EPS15L1: variants seen among roughly 807,000 people sequenced by gnomAD.
EPS15L1 encodes epidermal growth factor receptor substrate 15-like 1.
In EPS15L1, 43 loss-of-function variants were observed where a neutral mutation model predicts 117.1. The observed-to-expected ratio is 0.37, with a 90% confidence interval of 0.29 to 0.47. The LOEUF is 0.47. Ranked by LOEUF, EPS15L1 falls within the 20% of genes least tolerant of loss-of-function variation. The pLI is 0.99. For synonymous variants in EPS15L1, 459 were observed against 470.5 expected (o/e 0.98, Z 0.32); for missense variants, 981 against 1,164.0 (o/e 0.84, Z 2.29).
chr19:16,469,575 C>T (rs999276569), intron 1 of EPS15L1, among the ~76,000 whole-genome samples: 2 of 151,978 alleles, frequency 1.3e-5, no homozygotes, highest in Admixed American at 6.6e-5. Flanking sequence ...TTCGAATTTA[C>T]GTTGATATTC....
At chr19:16,412,647 A>T (rs187817209) in intron 13 of EPS15L1, 19 of 132,166 alleles carry the variant, frequency 1.4e-4, no homozygotes, top group South Asian at 1.1e-3. Flanking sequence ...ATATATATAT[A>T]TTTTTAAAAA....
intron 19 of EPS15L1, among the ~76,000 whole-genome samples, chr19:16,390,635 G>A (rs1201688409): frequency 6.6e-6 from 1 of 152,076 alleles, no homozygotes; most frequent in Non-Finnish European, 1.5e-5. Flanking sequence ...AAAACATACA[G>A]AATATGTTCT....
chr19:16,385,523 G>A (rs2092411358), intron 20 of EPS15L1, among the ~76,000 whole-genome samples: 1 of 152,178 alleles, frequency 6.6e-6, no homozygotes, highest in Non-Finnish European at 1.5e-5. Context: ...AGGAGGCGAG[G>A]AGCAACTCCA....
At chr19:16,394,051 G>T in intron 17 of EPS15L1, 50 bp from the exon 18 acceptor site, 2 of 1,573,934 alleles carry the variant, frequency 1.3e-6, no homozygotes, top group Non-Finnish European at 1.7e-6. Flanking sequence ...CACAGGATGC[G>T]GGCCGGGCCC....
At chr19:16,397,335 C>A (rs2092550722) in intron 16 of EPS15L1, among the ~76,000 whole-genome samples, 1 of 152,184 alleles carries the variant, frequency 6.6e-6, no homozygotes, top group Non-Finnish European at 1.5e-5. Context: ...AGTAATCCAC[C>A]CCCCTCGGCC....
chr19:16,428,598 G>A (rs2092900720), intron 8 of EPS15L1, 104 bp downstream of exon 8: 1 of 729,254 alleles, frequency 1.4e-6, no homozygotes, highest in Non-Finnish European at 2.2e-6. Context: ...GAAAAGAAAA[G>A]AAAAAAGAAA....
intron 18 of EPS15L1, 26 bp downstream of exon 18, chr19:16,393,925 C>T: frequency 6.2e-7 from 1 of 1,612,364 alleles, no homozygotes; most frequent in Non-Finnish European, 8.5e-7. Flanking sequence ...AGTCTAAAGA[C>T]CGGTCCGGGA....
intron 7 of EPS15L1, among the ~76,000 whole-genome samples, chr19:16,434,109 C>A (rs1207839651): frequency 6.6e-6 from 1 of 152,232 alleles, no homozygotes. Context: ...AATTTCACTT[C>A]TGAGTCCACC....
intron 19 of EPS15L1, among the ~76,000 whole-genome samples, chr19:16,391,425 G>T (rs923254675): frequency 3.3e-5 from 5 of 152,216 alleles, no homozygotes; most frequent in South Asian, 2.1e-4. Context: ...TGCCTTCAAG[G>T]AGCTTCAAGC....
chr19:16,362,657 G>A lies in EPS15L1; in HGVS notation c.2381-673C>T, dbSNP rs535920285. ...TCCCACCTCAGCCTCCTACAGGCAT[G>A]AGCCACCATGCGTGGCTAATTTTTG... On this transcript the variant is annotated intron_variant, in intron 22 of 23. Transcript: ENST00000455140. Among the ~76,000 whole-genome samples, 7 of 151,802 alleles carry A rather than the reference G, an allele frequency of 4.6e-5. No individual in the cohort carries two copies. The South Asian group carries it at 1.5e-3, about 32-fold the overall frequency.
chr19:16,445,964 T>A (rs1212277941), intron 1 of EPS15L1, among the ~76,000 whole-genome samples: 2 of 152,236 alleles, frequency 1.3e-5, no homozygotes, highest in African/African-American at 2.4e-5. Flanking sequence ...TGAGGTTCAG[T>A]GTAGCTTTCA....
At chr19:16,368,220 A>G (rs2092166242) in intron 22 of EPS15L1, among the ~76,000 whole-genome samples, 1 of 152,110 alleles carries the variant, frequency 6.6e-6, no homozygotes, top group Admixed American at 6.6e-5. Flanking sequence ...CTGTGGACAC[A>G]CATACACAAC....
At chr19:16,462,339 T>A (rs1261402165) in intron 1 of EPS15L1, among the ~76,000 whole-genome samples, 1 of 152,128 alleles carries the variant, frequency 6.6e-6, no homozygotes, top group Non-Finnish European at 1.5e-5. Flanking sequence ...CGTTGCCACC[T>A]GTTCTGGGAG....
At chr19:16,459,144 C>T (rs557208322) in intron 1 of EPS15L1, among the ~76,000 whole-genome samples, 2 of 152,356 alleles carry the variant, frequency 1.3e-5, no homozygotes, top group South Asian at 2.1e-4. Context: ...TATAATCTTA[C>T]GGGAGCACTG....
intron 12 of EPS15L1, among the ~76,000 whole-genome samples, chr19:16,416,347 A>T (rs907107119): frequency 6.6e-6 from 1 of 152,116 alleles, no homozygotes; most frequent in African/African-American, 2.4e-5. Flanking sequence ...GACTGGAAAA[A>T]AGATGCTGGC....
chr19:16,357,791 G>C (rs2092002319), intron 23 of EPS15L1: 1 of 152,214 alleles, frequency 6.6e-6, no homozygotes, highest in African/African-American at 2.4e-5. Context: ...TAAACACTTG[G>C]GGGTCTGATG....
chr19:16,465,437 G>T (rs886653751), intron 1 of EPS15L1, among the ~76,000 whole-genome samples: 1 of 152,024 alleles, frequency 6.6e-6, no homozygotes, highest in Non-Finnish European at 1.5e-5. Context: ...TAATCTCAGC[G>T]CTTTGGAGGC....
At chr19:16,395,906 T>C (rs1166902108) in intron 16 of EPS15L1, among the ~76,000 whole-genome samples, 4 of 147,964 alleles carry the variant, frequency 2.7e-5, no homozygotes, top group Admixed American at 6.7e-5. Context: ...GATTACGCCA[T>C]TGCGCTCCAG....
chr19:16,360,734 C>T (rs184278306), intron 23 of EPS15L1, among the ~76,000 whole-genome samples: 115 of 152,194 alleles, frequency 7.6e-4, no homozygotes, highest in African/African-American at 2.1e-3. Context: ...GGCAACACAG[C>T]GAGACCCTGT....
Sources: gnomAD v4.1 joint callset for allele counts (sites outside exome capture counted in the v4.1 genomes callset) on GRCh38, gnomAD v4.1.1 for gene constraint, MANE v1.5 for transcripts, NCBI Gene and HGNC (gene_info 2026-07-23, HGNC 2026-07-21) for gene names.